Variants in SPIRE1 observed in about 807,000 individuals in gnomAD.
The protein encoded by SPIRE1 is protein spire homolog 1.
In SPIRE1, 40 loss-of-function variants were observed where a neutral mutation model predicts 94.1. The observed-to-expected ratio is 0.43, with a 90% CI of 0.33 to 0.55. The LOEUF (loss-of-function observed/expected upper bound fraction) is 0.55. SPIRE1 is among the 20% of genes least tolerant of loss of function. SPIRE1 has a pLI of 0.06. For synonymous variants in SPIRE1, 376 were observed against 371.7 expected, an observed-to-expected ratio of 1.01 and a Z score of -0.13; for missense variants, 838 against 975.2, an observed-to-expected ratio of 0.86 and a Z score of 1.87.
intron 4 of SPIRE1, among the ~76,000 whole-genome samples, chr18:12,530,248 A>G (rs1176267826): frequency 3.9e-5 from 6 of 152,238 alleles, no homozygotes; most frequent in Admixed American, 2.0e-4. Context: ...CGTAAGACTA[A>G]TAACAAAAAT....
At chr18:12,476,559 AAAAAAATATATATAT>A (rs1354151549) in intron 10 of SPIRE1, among the ~76,000 whole-genome samples, 2 of 80,616 alleles carry the variant, frequency 2.5e-5, no homozygotes, top group Non-Finnish European at 4.3e-5. Flanking sequence ...AAAAAAAAAA[AAAAAAATATATATAT>A]ATATATATAT....
intron 2 of SPIRE1, among the ~76,000 whole-genome samples, chr18:12,603,977 G>T (rs1331167284): frequency 1.3e-5 from 2 of 152,120 alleles, no homozygotes; most frequent in African/African-American, 4.8e-5. Flanking sequence ...CTGAACATGT[G>T]GGGGCTCCTG....
intron 2 of SPIRE1, among the ~76,000 whole-genome samples, chr18:12,599,879 G>C (rs2036782691): frequency 2.0e-5 from 3 of 152,066 alleles, no homozygotes; most frequent in Non-Finnish European, 4.4e-5. Flanking sequence ...GTCTAGGTGG[G>C]ACCTGTGAAG....
At position 12,559,141 on chromosome 18, in the gene SPIRE1, C is replaced by G. The variant is rs2035608247; in HGVS notation, c.373-12237G>C. Among the ~76,000 whole-genome samples, 1 of 78,826 alleles carries G rather than the reference C, an allele frequency of 1.3e-5. No individual in the cohort carries two copies. The highest frequency in any genetic ancestry group is 3.7e-5 in the African/African-American group (1 of 27,100). The allele number at this position is 78,826 out of a possible 152,430, so 51.7% of individuals were successfully genotyped here. On this transcript the variant is annotated intron_variant, in intron 2 of 16. Transcript: ENST00000409402. The surrounding 1 kb of genome is among the most constrained non-coding windows in gnomAD (Gnocchi z 4.7). ...GCACCTTGGAGCAGGGGGAGGCGCCCCCTGGGGAGGCTCCATCTGCTTAGG... is the reference window on the plus strand; with the variant it reads ...GCACCTTGGAGCAGGGGGAGGCGCCGCCTGGGGAGGCTCCATCTGCTTAGG...
chr18:12,540,759 C>T (rs1303072975), intron 3 of SPIRE1, among the ~76,000 whole-genome samples: 2 of 152,196 alleles, frequency 1.3e-5, no homozygotes, highest in African/African-American at 4.8e-5. Flanking sequence ...CCTCCTTATC[C>T]ACAGTTTCAC....
At chr18:12,454,324 A>C (rs1420867385) in intron 13 of SPIRE1, 22 bp downstream of exon 13, 1 of 1,613,814 alleles carries the variant, frequency 6.2e-7, no homozygotes, top group East Asian at 2.2e-5. Flanking sequence ...TCTTCTGATC[A>C]ATCAACTTTA....
intron 2 of SPIRE1, among the ~76,000 whole-genome samples, chr18:12,548,796 T>C (rs1185648613): frequency 6.6e-6 from 1 of 152,036 alleles, no homozygotes; most frequent in Non-Finnish European, 1.5e-5. Flanking sequence ...TTGGAATTTT[T>C]TAGAAACGGG....
At chr18:12,652,945 A>T (rs1315174382) in intron 1 of SPIRE1, 1 of 152,244 alleles carries the variant, frequency 6.6e-6, no homozygotes, top group Non-Finnish European at 1.5e-5. Flanking sequence ...AAGAACCAGT[A>T]CGACTCATTC....
At chr18:12,497,045 G>A (rs1039909506) in intron 6 of SPIRE1, among the ~76,000 whole-genome samples, 1 of 151,968 alleles carries the variant, frequency 6.6e-6, no homozygotes, top group African/African-American at 2.4e-5. Context: ...TCCAGCCTAG[G>A]CAACAGAGCA....
intron 10 of SPIRE1, among the ~76,000 whole-genome samples, chr18:12,476,610 TATATACACACAC>T (rs1204251434): frequency 7.6e-6 from 1 of 130,770 alleles, no homozygotes; most frequent in Non-Finnish European, 1.6e-5. Context: ...CACACACACA[TATATACACACAC>T]ATATATATAC....
At chr18:12,584,423 C>T (rs2036337861) in intron 2 of SPIRE1, among the ~76,000 whole-genome samples, 1 of 151,276 alleles carries the variant, frequency 6.6e-6, no homozygotes, top group South Asian at 2.1e-4. Flanking sequence ...GAGCAAAACT[C>T]CATCTCAAGA....
intron 2 of SPIRE1, among the ~76,000 whole-genome samples, chr18:12,586,524 C>G (rs962884112): frequency 1.6e-4 from 25 of 152,284 alleles, no homozygotes; most frequent in South Asian, 1.2e-3. Context: ...AATACTTAAA[C>G]TAATGAGACA....
chr18:12,611,865 A>C (rs1014298142), intron 2 of SPIRE1, among the ~76,000 whole-genome samples: 6 of 151,454 alleles, frequency 4.0e-5, no homozygotes, highest in African/African-American at 1.5e-4. Context: ...GTAGAGAAGA[A>C]GTCTCACTAT....
At chr18:12,617,383 CTTTTTGT>C (rs2037342662) in intron 2 of SPIRE1, among the ~76,000 whole-genome samples, 1 of 151,516 alleles carries the variant, frequency 6.6e-6, no homozygotes, top group South Asian at 2.1e-4. Flanking sequence ...CCCAGCAAAT[CTTTTTGT>C]TTTTTGTTTT....
chr18:12,451,366 A>C (rs981781090), intron 16 of SPIRE1, among the ~76,000 whole-genome samples: 2 of 152,266 alleles, frequency 1.3e-5, no homozygotes, highest in African/African-American at 4.8e-5. Flanking sequence ...CCAGACCAAC[A>C]TCATAGTAAA....
At chr18:12,519,477 C>T (rs1021472504) in intron 4 of SPIRE1, among the ~76,000 whole-genome samples, 1 of 152,172 alleles carries the variant, frequency 6.6e-6, no homozygotes, top group Non-Finnish European at 1.5e-5. Context: ...ACATTATCTG[C>T]TAATACACAT....
intron 10 of SPIRE1, among the ~76,000 whole-genome samples, chr18:12,475,749 C>T (rs184461279): frequency 6.6e-6 from 1 of 152,158 alleles, no homozygotes; most frequent in Admixed American, 6.5e-5. Context: ...CAGTTTCATG[C>T]TTCTGGAGCA....
intron 2 of SPIRE1, among the ~76,000 whole-genome samples, chr18:12,629,811 A>T (rs939807021): frequency 6.6e-6 from 1 of 152,248 alleles, no homozygotes; most frequent in Non-Finnish European, 1.5e-5. Flanking sequence ...TAAATTGCCT[A>T]TTAAAGTAAA....
chr18:12,561,415 A>G (rs1486516462), intron 2 of SPIRE1, among the ~76,000 whole-genome samples: 3 of 151,976 alleles, frequency 2.0e-5, no homozygotes, highest in Admixed American at 6.6e-5. Flanking sequence ...GATTACAGGC[A>G]TGTGCCACCA....
Sources: gnomAD v4.1 joint callset for allele counts (sites outside exome capture counted in the v4.1 genomes callset) on GRCh38, gnomAD v4.1.1 for gene constraint, Gnocchi (gnomAD v3.1) non-coding constraint, MANE v1.5 for transcripts, NCBI Gene and HGNC (gene_info 2026-07-23, HGNC 2026-07-21) for gene names.